USH2A: variants seen among roughly 807,000 people sequenced by gnomAD.
USH2A encodes usherin, also known as Usher syndrome 2A (autosomal recessive, mild).
In USH2A, 443 loss-of-function variants were observed where a neutral mutation model predicts 538.9. The observed-to-expected ratio is 0.82, with a 90% confidence interval of 0.76 to 0.89. USH2A has a LOEUF of 0.89. Ranked by LOEUF, USH2A falls within the 40% of genes least tolerant of loss-of-function variation. The pLI is 0.00. For missense variants in USH2A, 6,633 were observed against 6,324.8 expected, an observed-to-expected ratio of 1.05 and a Z score of -1.65; for synonymous variants, 2,413 against 2,273.5, an observed-to-expected ratio of 1.06 and a Z score of -1.75.
chr1:216,028,567 A>G (rs1669023142), intron 32 of USH2A, among the ~76,000 whole-genome samples: 1 of 152,056 alleles, frequency 6.6e-6, no homozygotes, highest in Non-Finnish European at 1.5e-5. Flanking sequence ...TGGAAAATAT[A>G]TCTAAATTTG....
chr1:216,069,741 G>A (rs2031495402), intron 30 of USH2A, among the ~76,000 whole-genome samples: 2 of 152,056 alleles, frequency 1.3e-5, no homozygotes, highest in African/African-American at 4.8e-5. Context: ...TATGAACTGG[G>A]GCTAGTCCCA....
intron 47 of USH2A, among the ~76,000 whole-genome samples, chr1:215,822,870 A>G (rs1663049656): frequency 6.6e-6 from 1 of 152,062 alleles, no homozygotes; most frequent in South Asian, 2.1e-4. Context: ...TATTGAAATG[A>G]TCATATGGTT....
chr1:215,650,745 G>A lies in USH2A; in HGVS notation c.14190C>T (p.Thr4730=), dbSNP rs199694401. The stretch of plus-strand genomic sequence containing the variant: ...TGAGACCTTCTGGTGGGGCTGGCCC[G>A]GTTCTGCACCATGTCCAGCTACTGG... ...KAPSSWTWCR[T]GPAPPEGLRA... is the part of the protein sequence containing the mutation. Residue 4730 remains threonine (T), a synonymous_variant, in exon 65 of 72, where the codon ACC becomes ACT. Coordinates refer to ENST00000307340, the MANE Select transcript of USH2A (RefSeq NM_206933.4). The A allele has an allele frequency of 9.9e-6, 16 of 1,613,706 alleles. No individual in the cohort carries two copies. The highest frequency in any genetic ancestry group is 3.3e-5 in the South Asian group (3 of 91,074).
At chr1:216,105,560 T>C (rs2032710684) in intron 21 of USH2A, among the ~76,000 whole-genome samples, 1 of 152,120 alleles carries the variant, frequency 6.6e-6, no homozygotes, top group East Asian at 1.9e-4. Flanking sequence ...ATGGCTCAGT[T>C]TGCCATTTTT....
At position 216,252,408 on chromosome 1, in the gene USH2A, C is replaced by T. The variant is rs3767696; in HGVS notation, c.1972-1310G>A. Among the ~76,000 whole-genome samples, 472 of 152,248 alleles carry T rather than the reference C, an allele frequency of 3.1e-3. 5 individuals are homozygous for T. The highest frequency in any genetic ancestry group is 0.015 in the East Asian group (79 of 5,172). On this transcript the variant is annotated intron_variant, in intron 11 of 71. Transcript: ENST00000307340. ...AGTTACCATAGAGGGAAGTAACCTA[C>T]ATGTGGAAAGATATTATTTGATTTA...
intron 38 of USH2A, among the ~76,000 whole-genome samples, chr1:215,920,821 T>C (rs1470314585): frequency 2.6e-5 from 4 of 152,186 alleles, no homozygotes; most frequent in African/African-American, 9.6e-5. Flanking sequence ...GATCATGCCC[T>C]CAACTTCAGA....
intron 61 of USH2A, among the ~76,000 whole-genome samples, chr1:215,704,119 T>A (rs1482660142): frequency 6.6e-6 from 1 of 152,198 alleles, no homozygotes; most frequent in African/African-American, 2.4e-5. Context: ...CCCACCCTGC[T>A]TCTGCGCCTT....
chr1:215,986,318 T>C lies in USH2A; in HGVS notation c.6805+6702A>G, dbSNP rs1667873874. ...TTTTCTTTTTTCTTTTTCTTTTTTT[T>C]TTTTTTTTGGTAGAGACAGGGTTTC... On this transcript the variant is annotated intron_variant, in intron 35 of 71. Coordinates refer to ENST00000307340, the MANE Select transcript of USH2A (RefSeq NM_206933.4). 2.0e-5 allele frequency among the ~76,000 whole-genome samples: 3 copies of C among 149,548 alleles called. No homozygotes were observed. The South Asian group carries it at 6.4e-4, about 32-fold the overall frequency.
chr1:215,776,195 C>A (rs929985020), intron 55 of USH2A, among the ~76,000 whole-genome samples: 19 of 152,114 alleles, frequency 1.2e-4, no homozygotes, highest in African/African-American at 3.9e-4. Context: ...ATGAAAAGGT[C>A]TTTTATTGAC....
intron 55 of USH2A, among the ~76,000 whole-genome samples, chr1:215,772,539 T>C (rs1293164693): frequency 6.6e-6 from 1 of 152,192 alleles, no homozygotes; most frequent in Admixed American, 6.5e-5. Context: ...GTAACATTAC[T>C]TTGAAGAGTA....
At chr1:215,969,693 C>A (rs1667445390) in intron 36 of USH2A, among the ~76,000 whole-genome samples, 1 of 152,166 alleles carries the variant, frequency 6.6e-6, no homozygotes, top group South Asian at 2.1e-4. Context: ...ATGGTGTTAG[C>A]TGCTTGGAAA....
chr1:215,635,722 A>G (rs1230805296), intron 69 of USH2A, among the ~76,000 whole-genome samples: 1 of 151,566 alleles, frequency 6.6e-6, no homozygotes, highest in Non-Finnish European at 1.5e-5. Context: ...TGCCTGGCTA[A>G]TTTTTGTATT....
chr1:216,055,131 A>G lies in USH2A; in HGVS notation c.6050-6484T>C, dbSNP rs528698560. Among the ~76,000 whole-genome samples, 4 of 152,140 alleles carry G rather than the reference A, an allele frequency of 2.6e-5. No homozygotes were observed. The South Asian group carries it at 8.3e-4, about 32-fold the overall frequency. On this transcript the variant is annotated intron_variant, in intron 30 of 71. Transcript: ENST00000307340. ...TAAATGATATCTTCTACTACTGGCCAGTAATTAGGAGCAGTCACAGCAAAC... is the reference window on the plus strand; with the variant it reads ...TAAATGATATCTTCTACTACTGGCCGGTAATTAGGAGCAGTCACAGCAAAC...
chr1:215,813,761 A>G lies in USH2A; in HGVS notation c.9714T>C (p.Ser3238=), dbSNP rs979950007. Residue 3238 remains serine, a synonymous_variant, in exon 49 of 72, where the codon TCT becomes TCC. Coordinates refer to ENST00000307340, the MANE Select transcript of USH2A (RefSeq NM_206933.4). ...QEAQPNHQCC[S]GYYARILPGE... ...CTGGTAGAATTCTAGCGTAATACCC[A>G]GAGCAGCACTGATGATTTGGTTGTG... 6.8e-6 allele frequency: 11 copies of G among 1,613,828 alleles called. No individual in the cohort carries two copies. In the Admixed American group the frequency reaches 1.8e-4, roughly 27 times the overall value.
At chr1:216,350,295 C>A (rs2038257659) in intron 4 of USH2A, among the ~76,000 whole-genome samples, 1 of 152,038 alleles carries the variant, frequency 6.6e-6, no homozygotes, top group South Asian at 2.1e-4. Flanking sequence ...TGGCCCCTCC[C>A]AAATTTCATG....
rs10442698 is a variant in USH2A at position 215,986,316 on chromosome 1, T to C, written c.6805+6704A>G. On this transcript the variant is annotated intron_variant, in intron 35 of 71. Coordinates refer to ENST00000307340, the MANE Select transcript of USH2A (RefSeq NM_206933.4). Reference sequence around the variant, plus strand: ...TTTTTTCTTTTTTCTTTTTCTTTTTTTTTTTTTTTTGGTAGAGACAGGGTT... The same window carrying C: ...TTTTTTCTTTTTTCTTTTTCTTTTTCTTTTTTTTTTGGTAGAGACAGGGTT... 1.5e-3 allele frequency among the ~76,000 whole-genome samples: 150 copies of C among 103,016 alleles called. 1 individual carries two copies. In the Middle Eastern group the frequency reaches 0.038, roughly 26 times the overall value. 67.6% of individuals were successfully genotyped at this position (103,016 alleles called of 152,430 possible). A position where few individuals can be genotyped will look rare whatever the true frequency, so the allele number is the denominator to read the frequency against.
chr1:215,626,852 G>A (rs893649983), intron 71 of USH2A, among the ~76,000 whole-genome samples: 3 of 152,150 alleles, frequency 2.0e-5, no homozygotes, highest in African/African-American at 7.2e-5. Context: ...GTGAAGATTA[G>A]ATGTAATAAT....
At chr1:215,912,920 AG>A (rs1419252639) in intron 38 of USH2A, among the ~76,000 whole-genome samples, 2 of 152,048 alleles carry the variant, frequency 1.3e-5, no homozygotes, top group African/African-American at 4.8e-5. Context: ...TTGGCCTTGC[AG>A]CCATACCATG....
rs539224543 is a variant in USH2A, at chr1:216,391,082, T to C, written c.652-25997A>G. Among the ~76,000 whole-genome samples the C allele has an allele frequency of 4.6e-5, 7 of 152,322 alleles. No homozygotes were observed. The South Asian group carries it at 1.0e-3, about 23-fold the overall frequency. ...TCAACTCTAAGCTCACTGTCAAGAA[T>C]ACGCCCAAGCCTCTAACCACAGAGT... On this transcript the variant is annotated intron_variant, in intron 3 of 71. Transcript: ENST00000307340.
Sources: allele counts gnomAD v4.1 joint callset (sites outside exome capture counted in the v4.1 genomes callset), GRCh38; gene constraint gnomAD v4.1.1; transcripts MANE v1.5; gene names NCBI Gene and HGNC (gene_info 2026-07-23, HGNC 2026-07-21).